SLC44A5: variants seen among roughly 807,000 people sequenced by gnomAD.
SLC44A5 encodes solute carrier family 44 member 5.
A neutral mutation model predicts 101.8 loss-of-function variants in SLC44A5; 57 were observed. The observed-to-expected ratio is 0.56, with a 90% CI of 0.45 to 0.70. The LOEUF is 0.70. Ranked by LOEUF, SLC44A5 falls within the 30% of genes least tolerant of loss-of-function variation. The pLI is 0.00. For synonymous variants in SLC44A5, 281 were observed against 290.9 expected (o/e 0.97, Z 0.35); for missense variants, 737 against 853.1 (o/e 0.86, Z 1.70).
At chr1:75,290,684 T>C (rs1214774462) in intron 5 of SLC44A5, among the ~76,000 whole-genome samples, 2 of 152,098 alleles carry the variant, frequency 1.3e-5, no homozygotes, top group Non-Finnish European at 2.9e-5. Flanking sequence ...CCACTTGCTG[T>C]AACCCATAAA....
chr1:75,513,859 T>C (rs1669689586), intron 2 of SLC44A5, among the ~76,000 whole-genome samples: 1 of 152,206 alleles, frequency 6.6e-6, no homozygotes, highest in South Asian at 2.1e-4. Context: ...TCTATTTGAA[T>C]TACAGCTCTG....
intron 4 of SLC44A5, among the ~76,000 whole-genome samples, chr1:75,335,694 C>G (rs1181818510): frequency 1.3e-5 from 2 of 152,158 alleles, no homozygotes; most frequent in East Asian, 3.9e-4. Flanking sequence ...GGACTAGAAG[C>G]CTTACAGGTC....
At chr1:75,536,674 A>T (rs1393152780) in intron 2 of SLC44A5, among the ~76,000 whole-genome samples, 3 of 149,660 alleles carry the variant, frequency 2.0e-5, no homozygotes, top group Non-Finnish European at 3.0e-5. Flanking sequence ...ATAAATAAAT[A>T]ATTATTATTT....
the SLC44A5 span, among the ~76,000 whole-genome samples, chr1:75,687,505 T>A: frequency 1.2e-3 from 183 of 152,194 alleles, 2 homozygotes; most frequent in African/African-American, 4.3e-3. Context: ...GGTTTCACCA[T>A]GTTGGCCAGG....
rs59043422 is a variant in SLC44A5, at chr1:75,461,733, A to C, written c.14-65112T>G. 6.1e-3 allele frequency among the ~76,000 whole-genome samples: 934 copies of C among 152,304 alleles called. 16 individuals carry two copies. Among genetic ancestry groups the C allele is most frequent in the African/African-American group, 0.021 (883 of 41,570 alleles). On this transcript the variant is annotated intron_variant, in intron 2 of 23. Coordinates refer to ENST00000370859, the MANE Select transcript of SLC44A5 (RefSeq NM_001130058.2). ...TCCAAGGCCAGGCAGCATTCACAAT[A>C]AGCTGACTAAAAAGCCCTTGGGCCT... is the stretch of plus-strand genomic sequence containing the variant.
intron 3 of SLC44A5, among the ~76,000 whole-genome samples, chr1:75,350,269 G>C (rs886328179): frequency 6.6e-6 from 1 of 151,344 alleles, no homozygotes; most frequent in African/African-American, 2.4e-5. Flanking sequence ...CTGTCTACCA[G>C]CCATCTATAA....
chr1:75,693,974 T>C, the SLC44A5 span, among the ~76,000 whole-genome samples: 3 of 151,644 alleles, frequency 2.0e-5, no homozygotes, highest in African/African-American at 7.3e-5. Flanking sequence ...AGGCATTAGG[T>C]CCATACAGTG....
chr1:75,552,954 A>G (rs1672021873), intron 1 of SLC44A5, among the ~76,000 whole-genome samples: 1 of 152,068 alleles, frequency 6.6e-6, no homozygotes, highest in Non-Finnish European at 1.5e-5. Context: ...TTTAAATTCC[A>G]TTTTAATCTA....
intron 11 of SLC44A5, among the ~76,000 whole-genome samples, chr1:75,234,810 G>GAAAGAACTACTAGA (rs1420085172): frequency 3.9e-5 from 6 of 151,966 alleles, no homozygotes; most frequent in Non-Finnish European, 8.8e-5. Context: ...TCTTCTTAGA[G>GAAAGAACTACTAGA]CTTGACTGAA....
chr1:75,702,626 A>C, the SLC44A5 span, among the ~76,000 whole-genome samples: 4 of 152,276 alleles, frequency 2.6e-5, no homozygotes, highest in South Asian at 2.1e-4. Context: ...AAAACACCAG[A>C]AGCAATGGCA....
At chr1:75,449,689 A>G (rs917767525) in intron 2 of SLC44A5, among the ~76,000 whole-genome samples, 2 of 152,124 alleles carry the variant, frequency 1.3e-5, no homozygotes, top group Non-Finnish European at 2.9e-5. Flanking sequence ...AAGATAGAGG[A>G]TAAGAGGCTT....
chr1:75,439,348 T>TA (rs995194610), intron 2 of SLC44A5, among the ~76,000 whole-genome samples: 11 of 151,894 alleles, frequency 7.2e-5, no homozygotes, highest in Admixed American at 1.3e-4. Flanking sequence ...TAACATGTGG[T>TA]AAAAAAAATG....
At chr1:75,257,878 A>C (rs578249197) in intron 6 of SLC44A5, among the ~76,000 whole-genome samples, 1 of 152,208 alleles carries the variant, frequency 6.6e-6, no homozygotes, top group South Asian at 2.1e-4. Context: ...CTAGTTGGAC[A>C]GTGGGTGTAG....
intron 2 of SLC44A5, among the ~76,000 whole-genome samples, chr1:75,519,409 T>G (rs1365180050): frequency 6.6e-6 from 1 of 152,056 alleles, no homozygotes; most frequent in Admixed American, 6.5e-5. Flanking sequence ...AATGCAAAAA[T>G]TAGCCGGGCA....
intron 3 of SLC44A5, among the ~76,000 whole-genome samples, chr1:75,362,384 G>A (rs1400871443): frequency 6.6e-6 from 1 of 151,524 alleles, no homozygotes; most frequent in Non-Finnish European, 1.5e-5. Flanking sequence ...ATGTTAGATT[G>A]TTTATTTGAA....
intron 3 of SLC44A5, among the ~76,000 whole-genome samples, chr1:75,374,224 C>T (rs1660416899): frequency 6.6e-6 from 1 of 152,152 alleles, no homozygotes; most frequent in Non-Finnish European, 1.5e-5. Context: ...GGGCTAAAAT[C>T]CCTGGCCACA....
At chr1:75,537,034 A>AATATATATATG (rs1553199990) in intron 2 of SLC44A5, among the ~76,000 whole-genome samples, 1 of 18,660 alleles carries the variant, frequency 5.4e-5, no homozygotes, top group African/African-American at 1.0e-4. Context: ...AAAAAAAAAA[A>AATATATATATG]TATATATCTA....
intron 1 of SLC44A5, among the ~76,000 whole-genome samples, chr1:75,560,954 A>C (rs989284265): frequency 6.6e-6 from 1 of 152,194 alleles, no homozygotes; most frequent in African/African-American, 2.4e-5. Flanking sequence ...ATTTAGCTAC[A>C]TCTGATGTAA....
At chr1:75,531,571 C>T (rs137957315) in intron 2 of SLC44A5, among the ~76,000 whole-genome samples, 52 of 152,282 alleles carry the variant, frequency 3.4e-4, no homozygotes, top group Admixed American at 1.2e-3. Flanking sequence ...CTAAGGTGGG[C>T]TCTGAGAGTT....
Sources: allele counts gnomAD v4.1 joint callset (sites outside exome capture counted in the v4.1 genomes callset), GRCh38; gene constraint gnomAD v4.1.1; transcripts MANE v1.5; gene names NCBI Gene and HGNC (gene_info 2026-07-23, HGNC 2026-07-21).